Variants in GCSAML observed in about 807,000 individuals in gnomAD.
GCSAML encodes germinal center-associated signaling and motility-like protein.
Under a neutral mutation model 13.0 loss-of-function variants are expected in GCSAML, and 9 were observed. That is an observed-to-expected ratio of 0.69 (90% CI 0.42 to 1.21). The LOEUF (loss-of-function observed/expected upper bound fraction) is 1.21. Among genes scored for constraint, GCSAML ranks in the 50% most tolerant of loss-of-function variants. The probability of loss-of-function intolerance (pLI) is 0.00; values close to 1 mark genes in which losing one functional copy is unlikely to be tolerated. For missense variants in GCSAML, 143 were observed against 153.4 expected, an observed-to-expected ratio of 0.93 and a Z score of 0.36; for synonymous variants, 37 against 52.9, an observed-to-expected ratio of 0.70 and a Z score of 1.31.
intron 4 of GCSAML, among the ~76,000 whole-genome samples, chr1:247,570,631 T>G (rs1056184988): frequency 6.6e-6 from 1 of 152,200 alleles, no homozygotes; most frequent in Non-Finnish European, 1.5e-5. Flanking sequence ...CTTCCAAATA[T>G]GTGGTTGATT....
intron 2 of GCSAML, among the ~76,000 whole-genome samples, chr1:247,539,516 A>AT (rs914354101): frequency 5.9e-4 from 90 of 151,628 alleles, no homozygotes; most frequent in South Asian, 2.3e-3. Flanking sequence ...TGGCAGTTTT[A>AT]TTTTTTTTTA....
At position 247,574,300 on chromosome 1, in the gene GCSAML, A is replaced by C. The variant is rs768395464; in HGVS notation, c.326A>C (p.Glu109Ala). 15 of 1,614,064 alleles carry C rather than the reference A, an allele frequency of 9.3e-6. No individual in the cohort carries two copies. The South Asian group carries it at 1.6e-4, about 18-fold the overall frequency. The change falls in exon 5 of 5, where the codon GAA (glutamate) becomes GCA (alanine). Residue 109 changes from glutamate to alanine, a missense_variant. By Grantham distance (107) the Glu-to-Ala change is moderately radical. Coordinates refer to ENST00000366488, the MANE Select transcript of GCSAML (RefSeq NM_145278.5). ...VRQFRERSET[E>A]YALLRTSVSR... ...CAGTTTAGAGAAAGGTCAGAGACAG[A>C]ATATGCCCTTCTTAGGACTTCTGTT...
rs1668833844 is a variant in GCSAML, at chr1:247,576,359, A to G, written c.*1977A>G. On this transcript the variant is annotated 3_prime_UTR_variant, in exon 5 of 5. Coordinates refer to ENST00000366488, the MANE Select transcript of GCSAML (RefSeq NM_145278.5). ...CAGGAGTTTGAGGCCAGACTGCACA[A>G]CACAGTGAGACCTCGTTTCTACAAA... 6.6e-6 allele frequency: 1 copy of G among 152,206 alleles called. No homozygotes were observed. Among genetic ancestry groups the G allele is most frequent in the African/African-American group, 2.4e-5 (1 of 41,444 alleles). 9.4% of individuals were successfully genotyped at this position (152,206 alleles called of 1,614,324 possible). A position where few individuals can be genotyped will look rare whatever the true frequency, so the allele number is the denominator to read the frequency against.
At chr1:247,538,657 T>C in intron 2 of GCSAML, 1 of 440,242 alleles carries the variant, frequency 2.3e-6, no homozygotes, top group Non-Finnish European at 4.5e-6. Context: ...CCAGTCTCTT[T>C]CTTTCCACAC....
At chr1:247,563,340 AT>A (rs1232314110) in intron 2 of GCSAML, among the ~76,000 whole-genome samples, 1 of 152,214 alleles carries the variant, frequency 6.6e-6, no homozygotes, top group Non-Finnish European at 1.5e-5. Flanking sequence ...GTAATAATAT[AT>A]GTAGTCTGAT....
chr1:247,509,731 A>C (rs1356335695), intron 1 of GCSAML, among the ~76,000 whole-genome samples: 2 of 152,190 alleles, frequency 1.3e-5, no homozygotes, highest in Non-Finnish European at 2.9e-5. Flanking sequence ...AATTTTATTG[A>C]AGGCCTTTTC....
chr1:247,565,859 T>G, intron 3 of GCSAML, 72 bp from the exon 4 acceptor site: 1 of 1,245,132 alleles, frequency 8.0e-7, no homozygotes, highest in Non-Finnish European at 1.1e-6. Context: ...ACCTTTTCCT[T>G]CAATCTGTGA....
intron 2 of GCSAML, among the ~76,000 whole-genome samples, chr1:247,562,444 C>T (rs1466186610): frequency 6.6e-6 from 1 of 152,140 alleles, no homozygotes; most frequent in East Asian, 1.9e-4. Flanking sequence ...CTGGAATTTC[C>T]CTCGAAGAAA....
chr1:247,548,897 T>C (rs2103033232), upstream of GCSAML: 4 of 497,964 alleles, frequency 8.0e-6, no homozygotes, highest in Middle Eastern at 5.8e-4. This position sits in a 1 kb window ranked among gnomAD's most constrained non-coding sequence, Gnocchi z 5.3. Context: ...TAGATTCACT[T>C]TCATGTTTCA....
At position 247,577,486 on chromosome 1, in the gene GCSAML, G is replaced by T. The variant is rs946366239; in HGVS notation, c.*3104G>T. ...TCCATATTTATTTTGTGTGTGTAAG[G>T]CTTCTTTTAGTCATTATAATATTTT... On this transcript the variant is annotated 3_prime_UTR_variant, in exon 5 of 5. Coordinates refer to ENST00000366488, the MANE Select transcript of GCSAML (RefSeq NM_145278.5). 4 of 152,016 alleles carry T rather than the reference G, an allele frequency of 2.6e-5. No homozygotes were observed. The highest frequency in any genetic ancestry group is 9.7e-5 in the African/African-American group (4 of 41,358). The allele number at this position is 152,016 out of a possible 1,614,324, so 9.4% of individuals were successfully genotyped here.
intron 1 of GCSAML, among the ~76,000 whole-genome samples, chr1:247,522,057 C>T (rs557142520): frequency 5.3e-5 from 8 of 150,906 alleles, no homozygotes; most frequent in Non-Finnish European, 8.9e-5. Flanking sequence ...TGAGCAGCGT[C>T]TCTGCCCGAC....
chr1:247,521,692 C>T (rs1281549786), intron 1 of GCSAML, among the ~76,000 whole-genome samples: 1 of 152,230 alleles, frequency 6.6e-6, no homozygotes, highest in African/African-American at 2.4e-5. Context: ...CTCAATGTTG[C>T]CCAGGCTGGA....
At chr1:247,540,196 T>A (rs1667364539) in intron 2 of GCSAML, among the ~76,000 whole-genome samples, 1 of 152,254 alleles carries the variant, frequency 6.6e-6, no homozygotes, top group Non-Finnish European at 1.5e-5. Context: ...CACGCCTGGG[T>A]AATTTTTTGT....
chr1:247,571,379 T>C (rs1011826205), intron 4 of GCSAML, among the ~76,000 whole-genome samples: 7 of 152,240 alleles, frequency 4.6e-5, no homozygotes, highest in African/African-American at 7.2e-5. Flanking sequence ...TCAGGAGTTC[T>C]TGTAAGGCAG....
At chr1:247,554,798 TA>T (rs1456246140) in intron 1 of GCSAML, among the ~76,000 whole-genome samples, 1 of 152,184 alleles carries the variant, frequency 6.6e-6, no homozygotes, top group Admixed American at 6.5e-5. Flanking sequence ...GGATGTTTAC[TA>T]AGACTTTCTT....
In GCSAML at chr1:247,532,027, G is replaced by C. The variant is rs562326145; in HGVS notation, c.-148+4973G>C. The C allele has an allele frequency of 5.7e-5, 92 of 1,614,092 alleles. 1 individual carries two copies. The South Asian group carries it at 9.2e-4, about 16-fold the overall frequency. On this transcript the variant is annotated intron_variant, in intron 2 of 5. Coordinates refer to the GCSAML transcript ENST00000366489. ...ACACAGCGGTAGGAGCATGGTGAGC[G>C]TGGAGCCCACCATGCTGGTGGTCAG... is the stretch of plus-strand genomic sequence containing the variant.
chr1:247,559,703 C>T (rs577727651), intron 2 of GCSAML, among the ~76,000 whole-genome samples: 2 of 152,262 alleles, frequency 1.3e-5, no homozygotes, highest in South Asian at 2.1e-4. Context: ...CTCACAATTG[C>T]GGAGACTGGA....
At chr1:247,541,752 G>A (rs1667418742) in intron 2 of GCSAML, among the ~76,000 whole-genome samples, 1 of 152,158 alleles carries the variant, frequency 6.6e-6, no homozygotes, top group Non-Finnish European at 1.5e-5. Flanking sequence ...GCTCACATCT[G>A]TAATCTCAGC....
At chr1:247,551,027 C>T (rs2103037140) in intron 1 of GCSAML, among the ~76,000 whole-genome samples, 1 of 152,236 alleles carries the variant, frequency 6.6e-6, no homozygotes. Context: ...GTCAAGGTTG[C>T]CTTTGCTATA....
Sources: gnomAD v4.1 joint callset for allele counts (sites outside exome capture counted in the v4.1 genomes callset) on GRCh38, gnomAD v4.1.1 for gene constraint, Gnocchi (gnomAD v3.1) non-coding constraint, MANE v1.5 for transcripts, NCBI Gene and HGNC (gene_info 2026-07-23, HGNC 2026-07-21) for gene names.